Variants in TAFA2 observed in about 807,000 individuals in gnomAD.
TAFA2 encodes the protein TAFA chemokine like family member 2, also known as chemokine-like protein TAFA-2.
Under a neutral mutation model 18.8 loss-of-function variants are expected in TAFA2, and 7 were observed. That is an observed-to-expected ratio of 0.37 (90% CI 0.21 to 0.70). TAFA2 has a LOEUF of 0.70. Ranked by LOEUF, TAFA2 falls within the 30% of genes least tolerant of loss-of-function variation. The pLI is 0.53. For synonymous variants in TAFA2, 60 were observed against 54.2 expected, an observed-to-expected ratio of 1.11 and a Z score of -0.47; for missense variants, 122 against 158.1, an observed-to-expected ratio of 0.77 and a Z score of 1.23.
At chr12:61,797,549 A>C (rs1054196108) in intron 2 of TAFA2, among the ~76,000 whole-genome samples, 7 of 150,864 alleles carry the variant, frequency 4.6e-5, no homozygotes, top group African/African-American at 1.7e-4. Context: ...CTGGGCACAA[A>C]AGTCTGAAAA....
chr12:62,234,905 G>A (rs1009839640), intron 1 of TAFA2: 5 of 945,352 alleles, frequency 5.3e-6, no homozygotes, highest in Admixed American at 3.5e-5. Context: ...GCATCTTGTG[G>A]GGGCAACATC....
At chr12:62,011,766 A>AAG (rs1555183622) in intron 1 of TAFA2, among the ~76,000 whole-genome samples, 151 of 148,508 alleles carry the variant, frequency 1.0e-3, no homozygotes, top group Middle Eastern at 3.5e-3. Context: ...AAAAAAAAAA[A>AAG]AAAGAAAAGA....
intron 1 of TAFA2, among the ~76,000 whole-genome samples, chr12:61,957,803 A>C (rs529139858): frequency 1.3e-5 from 2 of 152,046 alleles, no homozygotes; most frequent in East Asian, 1.9e-4. Flanking sequence ...AGTTTGGAGA[A>C]AGTTTTCACC....
At chr12:61,857,749 C>A (rs1396166221) in intron 2 of TAFA2, among the ~76,000 whole-genome samples, 1 of 151,854 alleles carries the variant, frequency 6.6e-6, no homozygotes, top group African/African-American at 2.4e-5. Context: ...CCCTCATAGT[C>A]TGAAGGTTCA....
intron 1 of TAFA2, among the ~76,000 whole-genome samples, chr12:62,239,044 G>C (rs1024205045): frequency 1.3e-5 from 2 of 152,260 alleles, no homozygotes; most frequent in East Asian, 3.9e-4. Context: ...GAAGACTTTA[G>C]ATCTTTTCAC....
chr12:61,935,838 G>T (rs891319977), intron 1 of TAFA2, among the ~76,000 whole-genome samples: 3 of 151,698 alleles, frequency 2.0e-5, no homozygotes, highest in African/African-American at 7.3e-5. Context: ...AGTAAGTTCT[G>T]AAATTGAATC....
At chr12:62,194,321 A>G (rs1022209325), upstream of TAFA2, among the ~76,000 whole-genome samples, 4 of 7,358 alleles carry the variant, frequency 5.4e-4, no homozygotes, top group African/African-American at 1.6e-3. Context: ...ACACACACAC[A>G]CACACATACA....
intron 1 of TAFA2, among the ~76,000 whole-genome samples, chr12:62,055,863 G>A (rs1216575507): frequency 2.6e-5 from 4 of 152,114 alleles, no homozygotes; most frequent in Admixed American, 2.0e-4. Flanking sequence ...GAGTGTGTGT[G>A]TATGTTGGAT....
intron 1 of TAFA2, among the ~76,000 whole-genome samples, chr12:62,116,740 C>T (rs1338877580): frequency 2.6e-5 from 4 of 152,076 alleles, no homozygotes; most frequent in Non-Finnish European, 4.4e-5. Context: ...GGAGTTAAGT[C>T]GTGGGAATCA....
intron 1 of TAFA2, among the ~76,000 whole-genome samples, chr12:62,008,365 T>C (rs1880625855): frequency 6.6e-6 from 1 of 152,156 alleles, no homozygotes; most frequent in East Asian, 1.9e-4. Flanking sequence ...ATCAAATATT[T>C]CACATAGTTT....
At chr12:62,204,702 C>T (rs892809750) in intron 1 of TAFA2, among the ~76,000 whole-genome samples, 5 of 151,992 alleles carry the variant, frequency 3.3e-5, no homozygotes, top group African/African-American at 1.2e-4. Flanking sequence ...TCCTCTCTAA[C>T]CAGAGAATAA....
intron 1 of TAFA2, among the ~76,000 whole-genome samples, chr12:62,117,309 C>T (rs1345287914): frequency 2.6e-5 from 4 of 151,882 alleles, no homozygotes; most frequent in Non-Finnish European, 5.9e-5. Flanking sequence ...CTTGCATATG[C>T]CCTCATTATA....
chr12:61,836,239 TTGAG>T (rs376059026), intron 2 of TAFA2, among the ~76,000 whole-genome samples: 4 of 151,984 alleles, frequency 2.6e-5, no homozygotes, highest in Non-Finnish European at 4.4e-5. Flanking sequence ...TGTGAAATGC[TTGAG>T]TAAGAGTCAA....
At chr12:62,023,128 G>A (rs755283854) in intron 1 of TAFA2, among the ~76,000 whole-genome samples, 6 of 152,160 alleles carry the variant, frequency 3.9e-5, no homozygotes, top group Non-Finnish European at 5.9e-5. Flanking sequence ...CAGAAATCAC[G>A]GGTTCATAGA....
At chr12:62,046,209 T>G (rs1201094287) in intron 1 of TAFA2, among the ~76,000 whole-genome samples, 5 of 152,180 alleles carry the variant, frequency 3.3e-5, no homozygotes, top group Non-Finnish European at 2.9e-5. Flanking sequence ...AAATTCAACC[T>G]GCTCCCGTGT....
Position 61,709,624 on chromosome 12 carries a change from A to AG in TAFA2, c.*781_*782insC, listed in dbSNP as rs397758091. On this transcript the variant is annotated 3_prime_UTR_variant, in exon 5 of 5. Transcript: ENST00000416284. ...TAAAGAAAAGCTCACTTAAAAAAAA[A>AG]CAGAAAGGGAGAGTGCTCTAGAGGT... 1.3e-5 allele frequency: 2 copies of AG among 151,848 alleles called. No individual in the cohort carries two copies. Among genetic ancestry groups the AG allele is most frequent in the Admixed American group, 6.6e-5 (1 of 15,212 alleles). The allele number at this position is 151,848 out of a possible 1,614,324, so 9.4% of individuals were successfully genotyped here. A position where few individuals can be genotyped will look rare whatever the true frequency, so the allele number is the denominator to read the frequency against.
chr12:61,982,876 C>CAAAAAAAAAAAAAAAAA (rs3031097), intron 1 of TAFA2, among the ~76,000 whole-genome samples: 1 of 101,596 alleles, frequency 9.8e-6, no homozygotes, highest in Non-Finnish European at 2.0e-5. Flanking sequence ...AAGTGGAAGG[C>CAAAAAAAAAAAAAAAAA]AAAAAAAAAA....
At chr12:61,906,284 G>C (rs539888927) in intron 1 of TAFA2, among the ~76,000 whole-genome samples, 30 of 152,214 alleles carry the variant, frequency 2.0e-4, no homozygotes, top group Non-Finnish European at 3.8e-4. Context: ...GAGGGACCCA[G>C]TGGGAGGTAA....
At chr12:61,969,573 G>T (rs7952870) in intron 1 of TAFA2, among the ~76,000 whole-genome samples, 2 of 151,414 alleles carry the variant, frequency 1.3e-5, no homozygotes, top group Non-Finnish European at 1.5e-5. Flanking sequence ...TTAAATATCT[G>T]TAATGAAAGA....
Sources: allele counts gnomAD v4.1 joint callset (sites outside exome capture counted in the v4.1 genomes callset), GRCh38; gene constraint gnomAD v4.1.1; transcripts MANE v1.5; gene names NCBI Gene and HGNC (gene_info 2026-07-23, HGNC 2026-07-21).